ALG14: variants seen among roughly 807,000 people sequenced by gnomAD.
ALG14 encodes the protein ALG14 UDP-N-acetylglucosaminyltransferase subunit, also known as UDP-N-acetylglucosamine transferase subunit ALG14.
Under a neutral mutation model 22.8 loss-of-function variants are expected in ALG14, and 17 were observed. That is an observed-to-expected ratio of 0.75 (90% CI 0.51 to 1.12). The LOEUF is 1.12. Ranked by LOEUF, ALG14 falls within the 50% of genes most tolerant of loss-of-function variation. The probability of loss-of-function intolerance (pLI) is 0.00; values close to 1 mark genes in which losing one functional copy is unlikely to be tolerated. For missense variants in ALG14, 288 were observed against 271.8 expected (o/e 1.06, Z -0.42); for synonymous variants, 89 against 103.7 (o/e 0.86, Z 0.86).
intron 3 of ALG14, among the ~76,000 whole-genome samples, chr1:95,024,638 T>C (rs190014267): frequency 6.6e-6 from 1 of 152,268 alleles, no homozygotes; most frequent in Admixed American, 6.5e-5. Context: ...GTCAAGTGAA[T>C]AGCGAGCCAT....
At position 95,072,689 on chromosome 1, in the gene ALG14, G is replaced by A. The variant is rs1675608867; in HGVS notation, c.136+74C>T. On this transcript the variant is annotated intron_variant, in intron 1 of 3. Transcript: ENST00000370205. Reference sequence around the variant, plus strand: ...CTCCAAGAAGTGCTAAGGGTACCAGGGAAGAGCGTCGCGGTGCACTCTGGG... The same window carrying A: ...CTCCAAGAAGTGCTAAGGGTACCAGAGAAGAGCGTCGCGGTGCACTCTGGG... 7 of 1,575,814 alleles carry A rather than the reference G, an allele frequency of 4.4e-6. No homozygotes were observed. In the South Asian group the frequency reaches 5.6e-5, roughly 13 times the overall value.
At chr1:95,026,608 A>C (rs1362390128) in intron 3 of ALG14, among the ~76,000 whole-genome samples, 3 of 152,060 alleles carry the variant, frequency 2.0e-5, no homozygotes, top group East Asian at 3.9e-4. Context: ...CACTGTCCCC[A>C]AACAATTACA....
At chr1:95,058,169 C>T (rs1675001689) in intron 2 of ALG14, among the ~76,000 whole-genome samples, 1 of 150,164 alleles carries the variant, frequency 6.7e-6, no homozygotes, top group African/African-American at 2.4e-5. Flanking sequence ...GCCTGTAATC[C>T]CAGCTACTTG....
intron 2 of ALG14, among the ~76,000 whole-genome samples, chr1:95,040,340 T>C (rs1423928291): frequency 6.6e-6 from 1 of 152,194 alleles, no homozygotes; most frequent in Non-Finnish European, 1.5e-5. Flanking sequence ...TGTTGCTTCA[T>C]GACATTTCAT....
At position 95,057,309 on chromosome 1, in the gene ALG14, T is replaced by C. The variant is rs1427959663; in HGVS notation, c.288+7557A>G. ...CTGCATCTGTGGATTCAATCAACCA[T>C]GGATCGAAAATATTTGGGGAAAAAA... On this transcript the variant is annotated intron_variant, in intron 2 of 3. Transcript: ENST00000370205. 3.3e-5 allele frequency among the ~76,000 whole-genome samples: 5 copies of C among 151,522 alleles called. 1 individual carries two copies. In the East Asian group the frequency reaches 1.0e-3, roughly 31 times the overall value.
intron 2 of ALG14, among the ~76,000 whole-genome samples, chr1:95,042,455 C>G (rs1413813465): frequency 6.6e-6 from 1 of 152,204 alleles, no homozygotes; most frequent in African/African-American, 2.4e-5. Flanking sequence ...CTGTTCCCAA[C>G]TGTTTGTTCT....
chr1:95,018,001 T>G (rs533768590), intron 3 of ALG14, among the ~76,000 whole-genome samples: 1 of 152,208 alleles, frequency 6.6e-6, no homozygotes, highest in South Asian at 2.1e-4. Flanking sequence ...ATTACTCCTA[T>G]TTGATAGGAA....
chr1:95,041,207 A>T (rs1674366524), intron 2 of ALG14, among the ~76,000 whole-genome samples: 1 of 151,958 alleles, frequency 6.6e-6, no homozygotes, highest in Non-Finnish European at 1.5e-5. Flanking sequence ...ATTTTTTTTT[A>T]CCTTTACCTA....
At chr1:95,059,025 C>G (rs1675040469) in intron 2 of ALG14, among the ~76,000 whole-genome samples, 1 of 151,984 alleles carries the variant, frequency 6.6e-6, no homozygotes, top group African/African-American at 2.4e-5. Context: ...ATTACTGACT[C>G]AGAACTTTTA....
At chr1:94,985,504 G>A (rs751619696) in intron 3 of ALG14, among the ~76,000 whole-genome samples, 3 of 152,114 alleles carry the variant, frequency 2.0e-5, no homozygotes, top group Non-Finnish European at 4.4e-5. Flanking sequence ...TCTTTTCTTA[G>A]TCTTTGTTTC....
At chr1:95,050,081 T>G (rs6675668) in intron 2 of ALG14, among the ~76,000 whole-genome samples, 64,933 of 151,994 alleles carry the variant, frequency 0.43, 15,014 homozygotes, top group Middle Eastern at 0.54. Context: ...CAAGCCTGTG[T>G]TGAAAATGTG....
chr1:95,072,727 C>T, intron 1 of ALG14, 36 bp downstream of exon 1: 1 of 1,604,160 alleles, frequency 6.2e-7, no homozygotes, highest in Non-Finnish European at 8.5e-7. Flanking sequence ...TTGTAGTGAC[C>T]AACCCAAGTC....
intron 3 of ALG14, among the ~76,000 whole-genome samples, chr1:95,008,650 G>A (rs994453662): frequency 6.6e-6 from 1 of 152,038 alleles, no homozygotes; most frequent in African/African-American, 2.4e-5. Context: ...GTTGTATAAG[G>A]ATTTTTAAAA....
At chr1:95,022,462 A>T (rs1458839727) in intron 3 of ALG14, 1 of 727,108 alleles carries the variant, frequency 1.4e-6, no homozygotes, top group Non-Finnish European at 1.7e-6. Flanking sequence ...CCATCATCAG[A>T]CTTGCTAAAT....
intron 2 of ALG14, among the ~76,000 whole-genome samples, chr1:95,052,254 A>G (rs889003866): frequency 3.3e-5 from 5 of 152,236 alleles, no homozygotes; most frequent in African/African-American, 7.2e-5. Context: ...AAAAACAAGT[A>G]GGATACAAGA....
At chr1:95,055,038 G>T (rs540321835) in intron 2 of ALG14, among the ~76,000 whole-genome samples, 1 of 152,038 alleles carries the variant, frequency 6.6e-6, no homozygotes, top group Admixed American at 6.5e-5. Context: ...AAATAAAATG[G>T]GAACAACCAT....
chr1:95,008,233 G>A (rs1357416715), intron 3 of ALG14, among the ~76,000 whole-genome samples: 1 of 152,152 alleles, frequency 6.6e-6, no homozygotes, highest in Admixed American at 6.6e-5. Context: ...TATCTGTAGT[G>A]CTTCCTACTT....
chr1:95,056,503 G>A (rs530121545), intron 2 of ALG14, among the ~76,000 whole-genome samples: 5 of 152,050 alleles, frequency 3.3e-5, no homozygotes, highest in Admixed American at 3.3e-4. Context: ...AAATTAGCCA[G>A]GTGTGGTGGT....
intron 1 of ALG14, among the ~76,000 whole-genome samples, chr1:95,065,685 G>C (rs2100842902): frequency 6.6e-6 from 1 of 152,326 alleles, no homozygotes; most frequent in Non-Finnish European, 1.5e-5. Flanking sequence ...CTGATCAGCA[G>C]GGCTTGGGCC....
Sources: allele counts gnomAD v4.1 joint callset (sites outside exome capture counted in the v4.1 genomes callset), GRCh38; gene constraint gnomAD v4.1.1; transcripts MANE v1.5; gene names NCBI Gene and HGNC (gene_info 2026-07-23, HGNC 2026-07-21).